Variants in WDR41 observed in about 807,000 individuals in gnomAD.
WDR41 encodes the protein WD repeat domain 41.
Under a neutral mutation model 69.3 loss-of-function variants are expected in WDR41, and 63 were observed. The ratio of observed to expected loss-of-function variants is 0.91; its 90% CI spans 0.74 to 1.12. The LOEUF (loss-of-function observed/expected upper bound fraction) is 1.12. WDR41 is among the 50% of genes most tolerant of loss of function. WDR41 has a pLI of 0.00. For missense variants in WDR41, 543 were observed against 534.5 expected (o/e 1.02, Z -0.16); for synonymous variants, 185 against 192.1 (o/e 0.96, Z 0.31).
rs1800144680 is a variant in WDR41 at position 77,463,116 on chromosome 5, G to T, written c.327C>A (p.Ala109=). The T allele has an allele frequency of 6.2e-7, 1 of 1,612,116 alleles. No homozygotes were observed. Among genetic ancestry groups the T allele is most frequent in the Non-Finnish European group, 8.5e-7 (1 of 1,179,172 alleles). ...ATACAATAACTGTTCTATCAGCAGA[G>T]GCTGTCAAGATGAGTTGATTTTTCT... ...CEEKNQLILT[A]SADRTVIVWD... is the part of the protein sequence containing the mutation. The change falls in exon 4 of 13, where the codon GCC becomes GCA. Residue 109 remains alanine, a synonymous_variant. Coordinates refer to ENST00000296679, the MANE Select transcript of WDR41 (RefSeq NM_018268.4).
At position 77,468,372 on chromosome 5, in the gene WDR41, T is replaced by C. The variant is rs537412385; in HGVS notation, c.168-3563A>G. 1.4e-4 allele frequency among the ~76,000 whole-genome samples: 22 copies of C among 152,248 alleles called. No individual in the cohort carries two copies. In the South Asian group the frequency reaches 4.3e-3, roughly 30 times the overall value. On this transcript the variant is annotated intron_variant, in intron 2 of 12. Coordinates refer to ENST00000296679, the MANE Select transcript of WDR41 (RefSeq NM_018268.4). ...GTCTAGATCATGAGTCCTTAGAGAA[T>C]TCTCACTTACAACCATCTTAATGTA...
At chr5:77,528,067 C>A (rs763097315) in intron 1 of WDR41, among the ~76,000 whole-genome samples, 1 of 151,228 alleles carries the variant, frequency 6.6e-6, no homozygotes, top group Admixed American at 6.6e-5. Flanking sequence ...AAGATTATAT[C>A]GAAATTAGTA....
At chr5:77,584,962 G>C (rs182269999) in intron 1 of WDR41, among the ~76,000 whole-genome samples, 11 of 152,120 alleles carry the variant, frequency 7.2e-5, no homozygotes, top group Non-Finnish European at 1.5e-4. Flanking sequence ...TAAAAACAAA[G>C]ATAAATAGCT....
intron 5 of WDR41, among the ~76,000 whole-genome samples, chr5:77,457,064 T>C (rs887332955): frequency 2.6e-5 from 4 of 152,154 alleles, no homozygotes; most frequent in South Asian, 2.1e-4. Flanking sequence ...CTTTATTAGG[T>C]TGAGGAAATT....
chr5:77,511,891 G>A (rs6453316), intron 1 of WDR41, among the ~76,000 whole-genome samples: 82,646 of 151,264 alleles, frequency 0.55, 23,992 homozygotes, highest in African/African-American at 0.73. Context: ...TTACTACTAC[G>A]GATGAGCACA....
chr5:77,477,396 T>A (rs1193822365), intron 2 of WDR41, among the ~76,000 whole-genome samples: 1 of 115,630 alleles, frequency 8.6e-6, no homozygotes, highest in Non-Finnish European at 1.7e-5. Context: ...ACACCACACC[T>A]ATTCCAAAAT....
intron 1 of WDR41, among the ~76,000 whole-genome samples, chr5:77,490,508 A>G (rs930957230): frequency 2.0e-5 from 3 of 152,202 alleles, no homozygotes; most frequent in Non-Finnish European, 4.4e-5. Flanking sequence ...AGGTTCCGAT[A>G]ATGTACAAAT....
chr5:77,501,154 A>T (rs1002953194), intron 1 of WDR41, among the ~76,000 whole-genome samples: 3 of 152,252 alleles, frequency 2.0e-5, no homozygotes, highest in African/African-American at 7.2e-5. Context: ...TACCTGGAAA[A>T]ACAGGACACT....
In WDR41 at chr5:77,520,714, TC is replaced by T. The variant is rs1161359686; in HGVS notation, c.43-31143del. 1.1e-4 allele frequency among the ~76,000 whole-genome samples: 16 copies of T among 152,306 alleles called. No individual in the cohort carries two copies. In the East Asian group the frequency reaches 3.1e-3, roughly 29 times the overall value. On this transcript the variant is annotated intron_variant, in intron 1 of 5. Coordinates refer to the WDR41 transcript ENST00000509971. ...AAAGCTGAAGGTCACTTTGCCCTGT[TC>T]CCAATTATTACAGAGTACATTATAG...
chr5:77,472,633 G>A (rs1381782289), intron 2 of WDR41, among the ~76,000 whole-genome samples: 2 of 151,052 alleles, frequency 1.3e-5, no homozygotes, highest in Non-Finnish European at 3.0e-5. Context: ...ACCAATAACA[G>A]ACAGAGAGCC....
intron 1 of WDR41, among the ~76,000 whole-genome samples, chr5:77,490,144 A>G (rs1801708027): frequency 6.6e-6 from 1 of 151,500 alleles, no homozygotes; most frequent in Admixed American, 6.6e-5. Flanking sequence ...TTGTATTTTT[A>G]GTAGAGACAG....
chr5:77,475,299 C>A (rs1652936470), intron 2 of WDR41, among the ~76,000 whole-genome samples: 2 of 152,256 alleles, frequency 1.3e-5, no homozygotes, highest in African/African-American at 4.8e-5. Context: ...AAAGCTCCAA[C>A]TGGGTGGAGC....
chr5:77,475,079 A>C (rs572630591), intron 2 of WDR41, among the ~76,000 whole-genome samples: 4 of 152,164 alleles, frequency 2.6e-5, no homozygotes, highest in African/African-American at 7.2e-5. Flanking sequence ...AAATCGGGTC[A>C]CTCCCACCCT....
intron 1 of WDR41, among the ~76,000 whole-genome samples, chr5:77,609,942 C>T (rs2112338369): frequency 6.6e-6 from 1 of 151,992 alleles, no homozygotes; most frequent in African/African-American, 2.4e-5. Context: ...CTAGAATAAC[C>T]AATACAGAGA....
chr5:77,511,961 T>C (rs540033326), intron 1 of WDR41, among the ~76,000 whole-genome samples: 54 of 152,270 alleles, frequency 3.5e-4, no homozygotes, highest in African/African-American at 1.1e-3. Flanking sequence ...TTACCACCTA[T>C]TCCACTTCTA....
intron 1 of WDR41, among the ~76,000 whole-genome samples, chr5:77,490,681 TA>T (rs1388581871): frequency 2.6e-5 from 4 of 152,202 alleles, no homozygotes; most frequent in African/African-American, 9.7e-5. Flanking sequence ...TTGAAAACTA[TA>T]TAAACTGCTT....
At chr5:77,531,347 A>C (rs943980521) in intron 1 of WDR41, among the ~76,000 whole-genome samples, 1 of 151,992 alleles carries the variant, frequency 6.6e-6, no homozygotes, top group Non-Finnish European at 1.5e-5. Flanking sequence ...TGGGCAAAGG[A>C]CTTGAATAAA....
At chr5:77,441,724 C>T (rs1011700880) in intron 8 of WDR41, among the ~76,000 whole-genome samples, 5 of 144,614 alleles carry the variant, frequency 3.5e-5, no homozygotes, top group African/African-American at 8.2e-5. Context: ...GGCAATAGAG[C>T]GAGACTCAGT....
rs148957435 is a variant in WDR41, at chr5:77,440,916, C to T, written c.779G>A (p.Arg260His). Reference protein sequence around the residue: ...ALDWTMQAYERNFWDPSPQLD... With the variant: ...ALDWTMQAYEHNFWDPSPQLD... ...TTGTGGAGATGGGTCCCAGAAGTTG[C>T]GTTCATAGGCCTGCATGGTCCAGTC... The change falls in exon 9 of 13, where the codon CGC becomes CAC. Residue 260 changes from arginine (R) to histidine (H), a missense_variant. Transcript: ENST00000296679. The T allele has an allele frequency of 3.9e-5, 63 of 1,614,064 alleles. No individual in the cohort carries two copies. The African/African-American group carries it at 4.5e-4, about 12-fold the overall frequency.
Sources: allele counts gnomAD v4.1 joint callset (sites outside exome capture counted in the v4.1 genomes callset), GRCh38; gene constraint gnomAD v4.1.1; transcripts MANE v1.5; gene names NCBI Gene and HGNC (gene_info 2026-07-23, HGNC 2026-07-21).